DCAF6: variants seen among roughly 807,000 people sequenced by gnomAD.
The protein encoded by DCAF6 is DDB1- and CUL4-associated factor 6.
DCAF6 carries 54 observed loss-of-function variants against 125.1 expected under a neutral mutation model. The observed-to-expected ratio is 0.43, with a 90% CI of 0.35 to 0.54. The LOEUF (loss-of-function observed/expected upper bound fraction) is 0.54. DCAF6 is among the 20% of genes least tolerant of loss of function. The pLI is 0.01. For synonymous variants in DCAF6, 371 were observed against 390.4 expected (o/e 0.95, Z 0.58); for missense variants, 934 against 1,161.7 (o/e 0.80, Z 2.85).
chr1:167,956,094 G>T (rs1674742346), intron 2 of DCAF6, among the ~76,000 whole-genome samples: 1 of 152,130 alleles, frequency 6.6e-6, no homozygotes, highest in African/African-American at 2.4e-5. Flanking sequence ...TATTTAGTAT[G>T]ATGTCATCAG....
chr1:167,903,932 G>A, the DCAF6 span: 1 of 1,613,920 alleles, frequency 6.2e-7, no homozygotes, highest in Non-Finnish European at 8.5e-7. Context: ...TCCACCAACT[G>A]CTCAGCCCCT....
chr1:168,073,445 TC>T (rs1693387095), intron 21 of DCAF6, among the ~76,000 whole-genome samples: 1 of 152,192 alleles, frequency 6.6e-6, no homozygotes, highest in Non-Finnish European at 1.5e-5. Context: ...GAACAACTAT[TC>T]TGCTTTCCTC....
chr1:168,037,377 A>T (rs1687973938), intron 12 of DCAF6, among the ~76,000 whole-genome samples: 1 of 152,138 alleles, frequency 6.6e-6, no homozygotes, highest in Non-Finnish European at 1.5e-5. Flanking sequence ...TCAGTCCTTG[A>T]ACTGGTATCA....
rs1683083541 is a variant in DCAF6 at position 168,004,551 on chromosome 1, A to G, written c.1136A>G (p.Asp379Gly). The change falls in exon 10 of 22, where the codon GAT becomes GGT. Residue 379 changes from aspartate to glycine, a missense_variant. Physicochemically the swap from Asp to Gly is moderately conservative, Grantham distance 94. Around this residue, in one of 5 missense-constraint regions of DCAF6, gnomAD observed 559 missense variants for 635.5 expected, o/e 0.88. Transcript: ENST00000367840. Reference sequence around the variant, plus strand: ...TTTGAAGGTGGAACAAGTCAATCAGATATTTCAACTCTTCCTACGGTCCCA... The same window carrying G: ...TTTGAAGGTGGAACAAGTCAATCAGGTATTTCAACTCTTCCTACGGTCCCA... ...SRPRGGTSQS[D>G]ISTLPTVPSS... is the part of the protein sequence containing the mutation. 1.2e-6 allele frequency: 2 copies of G among 1,613,006 alleles called. No individual in the cohort carries two copies. Among genetic ancestry groups the G allele is most frequent in the Non-Finnish European group, 1.7e-6 (2 of 1,179,416 alleles).
At chr1:167,998,798 C>G (rs1682153565) in intron 7 of DCAF6, 1 of 153,158 alleles carries the variant, frequency 6.5e-6, no homozygotes, top group African/African-American at 2.4e-5. Context: ...ACTTCTAATT[C>G]TAGTTCTTTT....
chr1:167,977,729 A>G (rs1194254075), intron 4 of DCAF6, among the ~76,000 whole-genome samples: 1 of 152,192 alleles, frequency 6.6e-6, no homozygotes, highest in Non-Finnish European at 1.5e-5. Flanking sequence ...CTGATTAGCC[A>G]TATCAGACCT....
chr1:168,019,462 A>T (rs1685408559), intron 11 of DCAF6: 2 of 409,222 alleles, frequency 4.9e-6, no homozygotes, highest in South Asian at 3.5e-5. Context: ...ATGTACATGT[A>T]TCAGATGAAT....
intron 21 of DCAF6, among the ~76,000 whole-genome samples, chr1:168,069,522 A>ATTT (rs1241039146): frequency 6.6e-5 from 10 of 152,196 alleles, no homozygotes; most frequent in African/African-American, 2.4e-4. Context: ...AGTGAATTAA[A>ATTT]TATCACTTCC....
chr1:168,055,707 G>A (rs1690612440), intron 17 of DCAF6, among the ~76,000 whole-genome samples: 1 of 111,634 alleles, frequency 9.0e-6, no homozygotes, highest in Admixed American at 1.0e-4. Context: ...TTGTGAAAAA[G>A]ACGCATATTA....
At chr1:167,969,130 A>G (rs1206259756) in intron 3 of DCAF6, 3 of 152,080 alleles carry the variant, frequency 2.0e-5, no homozygotes, top group African/African-American at 7.2e-5. Flanking sequence ...CATTATGTCT[A>G]AAGTCCTTTC....
intron 4 of DCAF6, among the ~76,000 whole-genome samples, chr1:167,986,600 C>G (rs1302110943): frequency 6.6e-6 from 1 of 152,192 alleles, no homozygotes; most frequent in Non-Finnish European, 1.5e-5. Flanking sequence ...CCTCAGATCA[C>G]CAGGCATTAG....
At chr1:167,928,888 A>C in the DCAF6 span, among the ~76,000 whole-genome samples, 1 of 152,248 alleles carries the variant, frequency 6.6e-6, no homozygotes, top group African/African-American at 2.4e-5. Flanking sequence ...AAATCTCCTC[A>C]TAAGACATTA....
chr1:167,952,985 A>ACCTTGCTGAAGATCCG (rs1368343842), intron 2 of DCAF6, among the ~76,000 whole-genome samples: 2 of 152,060 alleles, frequency 1.3e-5, no homozygotes, highest in African/African-American at 4.8e-5. Flanking sequence ...CTGAAGATCC[A>ACCTTGCTGAAGATCCG]CCTTGCTGAA....
chr1:167,868,486 A>G, the DCAF6 span, among the ~76,000 whole-genome samples: 14,470 of 152,192 alleles, frequency 0.095, 1,728 homozygotes, highest in East Asian at 0.27. Flanking sequence ...TTCAAACCAC[A>G]CAGATAAAAA....
the DCAF6 span, among the ~76,000 whole-genome samples, chr1:167,910,015 C>A: frequency 0.11 from 17,218 of 152,150 alleles, 1,150 homozygotes; most frequent in African/African-American, 0.18. Context: ...TATTATGACC[C>A]TTTCACGTGG....
At chr1:168,016,393 A>G (rs1684981890) in intron 11 of DCAF6, among the ~76,000 whole-genome samples, 1 of 152,174 alleles carries the variant, frequency 6.6e-6, no homozygotes, top group Non-Finnish European at 1.5e-5. Context: ...TTTTAGAATT[A>G]TAGTATTATT....
chr1:168,041,890 T>TCACACACACACACA (rs1688575545), intron 13 of DCAF6, among the ~76,000 whole-genome samples: 1 of 89,490 alleles, frequency 1.1e-5, no homozygotes, highest in South Asian at 3.0e-4. Context: ...TACATGTTTG[T>TCACACACACACACA]CGCGCACACA....
intron 8 of DCAF6, among the ~76,000 whole-genome samples, chr1:168,002,782 T>C (rs1003578913): frequency 6.6e-6 from 1 of 152,162 alleles, no homozygotes; most frequent in Non-Finnish European, 1.5e-5. Flanking sequence ...GTAGTTGTTA[T>C]CAGATTAGTC....
rs149653383 is a variant in DCAF6, at chr1:167,966,978, A to G, written c.252+257A>G. On this transcript the variant is annotated intron_variant, in intron 3 of 21. Coordinates refer to ENST00000367840, the MANE Select transcript of DCAF6 (RefSeq NM_001198956.2). ...ATTTAAATGGTTAATAATTGGTACA[A>G]GTGACATTATTTCAATAACATTTTT... Among the ~76,000 whole-genome samples, 858 of 152,300 alleles carry G rather than the reference A, an allele frequency of 5.6e-3. 7 individuals carry two copies. Among genetic ancestry groups the G allele is most frequent in the African/African-American group, 0.018 (762 of 41,572 alleles).
Sources: allele counts gnomAD v4.1 joint callset (sites outside exome capture counted in the v4.1 genomes callset), GRCh38; gene constraint gnomAD v4.1.1; regional missense constraint gnomAD v4.1.1; transcripts MANE v1.5; gene names NCBI Gene and HGNC (gene_info 2026-07-23, HGNC 2026-07-21).